The following KIAA1217 variants were observed in gnomAD, a reference collection of about 807,000 sequenced individuals.
KIAA1217 encodes KIAA1217.
In KIAA1217, 88 loss-of-function variants were observed where a neutral mutation model predicts 163.9. The observed-to-expected ratio is 0.54, with a 90% CI of 0.45 to 0.64. KIAA1217 has a LOEUF of 0.64. Ranked by LOEUF, KIAA1217 falls within the 30% of genes least tolerant of loss-of-function variation. The probability of loss-of-function intolerance (pLI) is 0.00; values close to 1 mark genes in which losing one functional copy is unlikely to be tolerated. For missense variants in KIAA1217, 2,372 were observed against 2,475.0 expected (o/e 0.96, Z 0.88); for synonymous variants, 903 against 923.1 (o/e 0.98, Z 0.39).
At chr10:24,484,241 A>ATATATATATATATATTTTTTTTTT (rs1376083298) in intron 6 of KIAA1217, among the ~76,000 whole-genome samples, 3 of 75,156 alleles carry the variant, frequency 4.0e-5, no homozygotes, top group African/African-American at 9.7e-5. Flanking sequence ...ATATATATAT[A>ATATATATATATATATTTTTTTTTT]TTTTTTTTTT....
At chr10:23,836,734 G>A (rs561271869) in intron 1 of KIAA1217, among the ~76,000 whole-genome samples, 1 of 151,658 alleles carries the variant, frequency 6.6e-6, no homozygotes, top group Non-Finnish European at 1.5e-5. Context: ...AGACCAGCCT[G>A]GGCAACATAA....
At chr10:23,944,474 A>G (rs1221709615) in intron 1 of KIAA1217, among the ~76,000 whole-genome samples, 1 of 152,144 alleles carries the variant, frequency 6.6e-6, no homozygotes, top group Non-Finnish European at 1.5e-5. Context: ...CTCTAAAAAA[A>G]AAAGCAACAA....
At chr10:24,143,367 A>G (rs1425269607) in intron 2 of KIAA1217, among the ~76,000 whole-genome samples, 1 of 152,104 alleles carries the variant, frequency 6.6e-6, no homozygotes, top group South Asian at 2.1e-4. Context: ...CCCAGGTTCA[A>G]GCGATTCTCC....
chr10:23,996,764 G>T (rs1846505181), intron 1 of KIAA1217, among the ~76,000 whole-genome samples: 1 of 152,004 alleles, frequency 6.6e-6, no homozygotes, highest in Non-Finnish European at 1.5e-5. Flanking sequence ...CTTTAACTTT[G>T]ATCTTTATTG....
At chr10:24,484,704 A>G (rs373894015) in intron 6 of KIAA1217, among the ~76,000 whole-genome samples, 10 of 152,160 alleles carry the variant, frequency 6.6e-5, no homozygotes, top group African/African-American at 2.4e-4. Flanking sequence ...GGGGATTACA[A>G]GTGTGAGCCA....
chr10:24,023,630 T>A (rs1460318171), intron 2 of KIAA1217, among the ~76,000 whole-genome samples: 3 of 151,724 alleles, frequency 2.0e-5, no homozygotes, highest in Non-Finnish European at 4.4e-5. Flanking sequence ...ATTTCCTGCA[T>A]ACACTGAGAG....
chr10:23,699,627 C>A (rs1044563197), intron 1 of KIAA1217, among the ~76,000 whole-genome samples: 3 of 152,180 alleles, frequency 2.0e-5, no homozygotes, highest in East Asian at 3.9e-4. Flanking sequence ...CTTTCTTTTT[C>A]TTTTCCTTTT....
At chr10:23,981,006 T>A (rs1014261950) in intron 1 of KIAA1217, among the ~76,000 whole-genome samples, 1 of 152,220 alleles carries the variant, frequency 6.6e-6, no homozygotes. Context: ...CAAGTAACTT[T>A]AGTTGCGTGG....
At chr10:23,790,715 G>A (rs7906481) in intron 1 of KIAA1217, among the ~76,000 whole-genome samples, 24,309 of 113,836 alleles carry the variant, frequency 0.21, 2,352 homozygotes, top group African/African-American at 0.36. Flanking sequence ...ATATATATAT[G>A]TATGTATGTA....
At chr10:23,728,342 T>C (rs570174049) in intron 1 of KIAA1217, among the ~76,000 whole-genome samples, 3 of 152,318 alleles carry the variant, frequency 2.0e-5, no homozygotes, top group African/African-American at 7.2e-5. Flanking sequence ...TCCTGACTTT[T>C]TAATGATCGC....
intron 2 of KIAA1217, among the ~76,000 whole-genome samples, chr10:24,146,221 C>T (rs933668517): frequency 7.4e-6 from 1 of 135,726 alleles, no homozygotes; most frequent in Non-Finnish European, 1.5e-5. Context: ...AATCTCCCTG[C>T]ATGCTTTTCT....
At chr10:24,452,337 T>A (rs890218883) in intron 5 of KIAA1217, among the ~76,000 whole-genome samples, 3 of 151,962 alleles carry the variant, frequency 2.0e-5, no homozygotes, top group Non-Finnish European at 4.4e-5. Flanking sequence ...TAATAATAAT[T>A]TTTTAAAAGA....
intron 1 of KIAA1217, among the ~76,000 whole-genome samples, chr10:23,980,254 G>T (rs1361777596): frequency 6.6e-6 from 1 of 152,158 alleles, no homozygotes; most frequent in Non-Finnish European, 1.5e-5. Flanking sequence ...GGTGGGAGGG[G>T]CTGAGTGTGC....
At chr10:24,277,812 C>T (rs766942253) in intron 2 of KIAA1217, among the ~76,000 whole-genome samples, 2 of 152,288 alleles carry the variant, frequency 1.3e-5, no homozygotes, top group South Asian at 4.1e-4. Flanking sequence ...TTGTCCTAAT[C>T]GCAGCATGAG....
intron 14 of KIAA1217, among the ~76,000 whole-genome samples, chr10:24,528,780 C>A (rs1160496406): frequency 6.6e-6 from 1 of 151,400 alleles, no homozygotes; most frequent in Non-Finnish European, 1.5e-5. Context: ...AAATATTAGG[C>A]CTGCATTTAA....
chr10:24,513,820 T>A (rs2069605190), intron 10 of KIAA1217, among the ~76,000 whole-genome samples: 1 of 149,100 alleles, frequency 6.7e-6, no homozygotes, highest in African/African-American at 2.5e-5. Context: ...AGTTGCAGCT[T>A]CATACTCTCC....
chr10:24,063,223 G>A (rs546510878), intron 2 of KIAA1217, among the ~76,000 whole-genome samples: 19 of 152,178 alleles, frequency 1.2e-4, no homozygotes, highest in East Asian at 1.9e-4. Context: ...CCATGCCTAT[G>A]TCCTGAATGG....
At chr10:24,446,517 G>A (rs975530945) in intron 5 of KIAA1217, among the ~76,000 whole-genome samples, 4 of 152,116 alleles carry the variant, frequency 2.6e-5, no homozygotes, top group African/African-American at 9.7e-5. Flanking sequence ...TTGAGAAGAG[G>A]GGTTTGGGAT....
At chr10:24,494,299 T>C (rs926325421) in intron 6 of KIAA1217, among the ~76,000 whole-genome samples, 1 of 152,148 alleles carries the variant, frequency 6.6e-6, no homozygotes, top group Middle Eastern at 3.2e-3. Context: ...GCCAGTCAGG[T>C]CACTGGCTTG....
Sources: gnomAD v4.1 joint callset for allele counts (sites outside exome capture counted in the v4.1 genomes callset) on GRCh38, gnomAD v4.1.1 for gene constraint, MANE v1.5 for transcripts, NCBI Gene and HGNC (gene_info 2026-07-23, HGNC 2026-07-21) for gene names.